Variants in AKAP6 observed in about 807,000 individuals in gnomAD.
AKAP6 encodes A-kinase anchor protein 6.
AKAP6 carries 58 observed loss-of-function variants against 188.5 expected under a neutral mutation model. The observed-to-expected ratio is 0.31, with a 90% CI of 0.25 to 0.38. The LOEUF is 0.38. AKAP6 is among the 10% of genes least tolerant of loss of function. The probability of loss-of-function intolerance (pLI) is 1.00; values close to 1 mark genes in which losing one functional copy is unlikely to be tolerated. For synonymous variants in AKAP6, 989 were observed against 998.6 expected (o/e 0.99, Z 0.18); for missense variants, 2,710 against 2,740.0 (o/e 0.99, Z 0.24).
intron 1 of AKAP6, among the ~76,000 whole-genome samples, chr14:32,334,011 G>C (rs368012002): frequency 6.6e-6 from 1 of 152,002 alleles, no homozygotes; most frequent in Admixed American, 6.6e-5. Context: ...TCATCTAATC[G>C]CCCTAGTGTG....
At position 32,647,224 on chromosome 14, in the gene AKAP6, C is replaced by T. The variant is rs577669148; in HGVS notation, c.2731-31087C>T. On this transcript the variant is annotated intron_variant, in intron 7 of 13. Transcript: ENST00000280979. ...TATATATTAGCTCAGGCCAACATCCCTTATCTCTGAGTCTTTGTTCTTCTG... is the reference window on the plus strand; with the variant it reads ...TATATATTAGCTCAGGCCAACATCCTTTATCTCTGAGTCTTTGTTCTTCTG... Among the ~76,000 whole-genome samples, 93 of 152,164 alleles carry T rather than the reference C, an allele frequency of 6.1e-4. 1 individual carries two copies. Among genetic ancestry groups the T allele is most frequent in the Middle Eastern group, 3.4e-3 (1 of 294 alleles).
intron 5 of AKAP6, among the ~76,000 whole-genome samples, chr14:32,578,764 C>A (rs1002826586): frequency 2.6e-5 from 4 of 152,154 alleles, no homozygotes; most frequent in Non-Finnish European, 5.9e-5. Context: ...ATGAAGAGCA[C>A]TTTAACTCTG....
intron 4 of AKAP6, among the ~76,000 whole-genome samples, chr14:32,552,370 C>A (rs1883515252): frequency 6.6e-6 from 1 of 152,054 alleles, no homozygotes. Context: ...AGTTGTAGCT[C>A]AGTTATGAGA....
chr14:32,509,921 T>G (rs1303410641), intron 2 of AKAP6, among the ~76,000 whole-genome samples: 1 of 152,168 alleles, frequency 6.6e-6, no homozygotes, highest in Admixed American at 6.5e-5. Context: ...CCGTTGAAGC[T>G]GCCTCTCCCG....
intron 9 of AKAP6, among the ~76,000 whole-genome samples, chr14:32,702,656 A>C (rs1432286139): frequency 6.6e-6 from 1 of 152,064 alleles, no homozygotes; most frequent in Non-Finnish European, 1.5e-5. Flanking sequence ...TTTTGTCTCT[A>C]GCGGGTGAGC....
At chr14:32,768,132 C>T (rs550077742) in intron 11 of AKAP6, among the ~76,000 whole-genome samples, 1 of 152,256 alleles carries the variant, frequency 6.6e-6, no homozygotes, top group South Asian at 2.1e-4. Context: ...AACCTTCCCC[C>T]ACAAAACAAT....
At chr14:32,478,411 C>G (rs1879178546) in intron 2 of AKAP6, among the ~76,000 whole-genome samples, 2 of 152,176 alleles carry the variant, frequency 1.3e-5, no homozygotes, top group Non-Finnish European at 2.9e-5. Flanking sequence ...GAATTCCAAG[C>G]TCCAACTGGA....
chr14:32,680,022 T>C (rs1889606831), intron 8 of AKAP6, among the ~76,000 whole-genome samples: 1 of 152,064 alleles, frequency 6.6e-6, no homozygotes, highest in Non-Finnish European at 1.5e-5. Flanking sequence ...AGCCCTGGGG[T>C]TTGAGCAGTA....
At chr14:32,472,200 G>A (rs1420976839) in intron 2 of AKAP6, among the ~76,000 whole-genome samples, 1 of 152,096 alleles carries the variant, frequency 6.6e-6, no homozygotes, top group Non-Finnish European at 1.5e-5. Context: ...ACTCTAAAGT[G>A]GCTCCCCTTT....
chr14:32,532,153 G>A (rs780565904), intron 2 of AKAP6, among the ~76,000 whole-genome samples: 10 of 152,156 alleles, frequency 6.6e-5, no homozygotes, highest in Non-Finnish European at 1.3e-4. Flanking sequence ...AGTTGGTGCT[G>A]TCAGTAATTT....
Position 32,821,498 on chromosome 14 carries a change from AT to A in AKAP6, c.3687del (p.Ser1230ValfsTer2). On this transcript the variant is annotated frameshift_variant, in exon 13 of 14. Transcript: ENST00000280979. LOFTEE classifies it high-confidence loss of function. ...TGAAATGGACATAAGTAACAAGTTA[AT>A]TAGTTTGAATGAGGAATCAAATGAC... Reference protein sequence around the residue: ...WDEMDISNKLISLNEESNDLD... With the variant: ...WDEMDISNKLXSLNEESNDLD... 1 of 1,613,774 alleles carries A rather than the reference AT, an allele frequency of 6.2e-7. No homozygotes were observed. Among genetic ancestry groups the A allele is most frequent in the Non-Finnish European group, 8.5e-7 (1 of 1,179,814 alleles).
chr14:32,577,059 G>C (rs565631168), intron 4 of AKAP6, 61 bp from the exon 5 acceptor site: 1 of 1,562,382 alleles, frequency 6.4e-7, no homozygotes, highest in South Asian at 1.2e-5. Flanking sequence ...GCTTTTTACA[G>C]AATAACCAAC....
chr14:32,563,341 AG>A (rs1176098522), intron 4 of AKAP6, among the ~76,000 whole-genome samples: 3 of 152,160 alleles, frequency 2.0e-5, no homozygotes, highest in Non-Finnish European at 2.9e-5. Context: ...CCTCCTGCAA[AG>A]GAGAATTAAA....
intron 5 of AKAP6, among the ~76,000 whole-genome samples, chr14:32,577,846 T>C (rs191096474): frequency 6.6e-6 from 1 of 152,220 alleles, no homozygotes; most frequent in Admixed American, 6.6e-5. Context: ...GCAAGAATTA[T>C]AGACTGGGGG....
Position 32,821,414 on chromosome 14 carries a change from G to A in AKAP6, c.3601G>A (p.Val1201Met). 6.2e-7 allele frequency: 1 copy of A among 1,603,716 alleles called. No homozygotes were observed. The highest frequency in any genetic ancestry group is 2.2e-5 in the East Asian group (1 of 44,712). The change falls in exon 13 of 14, where the codon GTG becomes ATG. Residue 1201 changes from valine (V) to methionine (M), a missense_variant. Val to Met is a conservative substitution (Grantham distance 21). Coordinates refer to ENST00000280979, the MANE Select transcript of AKAP6 (RefSeq NM_004274.5). ...TTCTCTCACACAGGAGACTTTGAAT[G>A]TGATTGATCCTGGCTTGATGGACCT... ...KMGKESETLN[V>M]IDPGLMDLNG...
intron 2 of AKAP6, among the ~76,000 whole-genome samples, chr14:32,452,010 C>CTTT (rs1721537864): frequency 1.0e-5 from 1 of 95,768 alleles, no homozygotes; most frequent in East Asian, 2.9e-4. Context: ...CTTTTCTTTA[C>CTTT]ATTTTTTTTT....
chr14:32,451,364 C>T (rs183961292), intron 2 of AKAP6, among the ~76,000 whole-genome samples: 35 of 152,202 alleles, frequency 2.3e-4, no homozygotes, highest in African/African-American at 8.2e-4. Flanking sequence ...TGCTTCCTTC[C>T]ATTTATTTTT....
intron 11 of AKAP6, among the ~76,000 whole-genome samples, chr14:32,770,225 G>A (rs938452995): frequency 3.3e-5 from 5 of 152,128 alleles, no homozygotes; most frequent in African/African-American, 7.2e-5. Context: ...TTATAATGTG[G>A]ATCGGAGATC....
intron 1 of AKAP6, among the ~76,000 whole-genome samples, chr14:32,387,866 TG>T (rs1386559381): frequency 6.6e-6 from 1 of 151,724 alleles, no homozygotes. Flanking sequence ...CTTCATAGAA[TG>T]ATTTAGGGAG....
Sources: gnomAD v4.1 joint callset for allele counts (sites outside exome capture counted in the v4.1 genomes callset) on GRCh38, gnomAD v4.1.1 for gene constraint, MANE v1.5 for transcripts, NCBI Gene and HGNC (gene_info 2026-07-23, HGNC 2026-07-21) for gene names.